Variants in CFAP299 observed in about 807,000 individuals in gnomAD.
The protein encoded by CFAP299 is cilia and flagella associated protein 299.
In CFAP299, 21 loss-of-function variants were observed where a neutral mutation model predicts 27.0. The ratio of observed to expected loss-of-function variants is 0.78; its 90% confidence interval spans 0.55 to 1.12. CFAP299 has a LOEUF of 1.12. Among genes scored for constraint, CFAP299 ranks in the 50% most tolerant of loss-of-function variants. The pLI is 0.00. For missense variants in CFAP299, 310 were observed against 276.6 expected, an observed-to-expected ratio of 1.12 and a Z score of -0.86; for synonymous variants, 104 against 98.1, an observed-to-expected ratio of 1.06 and a Z score of -0.36.
At chr4:80,729,825 G>A (rs937051576) in intron 3 of CFAP299, among the ~76,000 whole-genome samples, 2 of 151,800 alleles carry the variant, frequency 1.3e-5, no homozygotes, top group African/African-American at 2.4e-5. Flanking sequence ...GGATGGTTTC[G>A]ATCTCCTGAC....
intron 2 of CFAP299, among the ~76,000 whole-genome samples, chr4:80,519,443 G>C (rs999253676): frequency 2.0e-5 from 3 of 152,238 alleles, no homozygotes; most frequent in Admixed American, 6.5e-5. Flanking sequence ...CTGATCTCAA[G>C]TGATCCACCT....
At chr4:80,497,897 G>A (rs1026319151) in intron 2 of CFAP299, among the ~76,000 whole-genome samples, 1 of 152,124 alleles carries the variant, frequency 6.6e-6, no homozygotes, top group Non-Finnish European at 1.5e-5. Flanking sequence ...TATGGTACTG[G>A]TAGGAAAACA....
chr4:80,426,643 C>G (rs34609164), intron 2 of CFAP299, among the ~76,000 whole-genome samples: 2 of 152,144 alleles, frequency 1.3e-5, no homozygotes, highest in Non-Finnish European at 2.9e-5. Context: ...GCCTAGGACT[C>G]TATATGTTTA....
intron 3 of CFAP299, among the ~76,000 whole-genome samples, chr4:80,714,051 T>C (rs1428273687): frequency 6.6e-6 from 1 of 152,292 alleles, no homozygotes; most frequent in African/African-American, 2.4e-5. Context: ...CACTTCTTGC[T>C]TCTTCACCTT....
At chr4:80,886,883 A>G (rs1342588898) in intron 4 of CFAP299, among the ~76,000 whole-genome samples, 2 of 152,138 alleles carry the variant, frequency 1.3e-5, no homozygotes, top group African/African-American at 2.4e-5. Flanking sequence ...AGAGATTGAA[A>G]TAATTGCAAA....
intron 3 of CFAP299, among the ~76,000 whole-genome samples, chr4:80,587,107 T>C (rs960773205): frequency 1.3e-5 from 2 of 152,282 alleles, no homozygotes; most frequent in Non-Finnish European, 2.9e-5. Flanking sequence ...TCCTTCCTAT[T>C]TTCCAACTTT....
Position 80,358,602 on chromosome 4 carries a change from C to T in CFAP299, c.112-4152C>T, listed in dbSNP as rs561302513. Among the ~76,000 whole-genome samples the T allele has an allele frequency of 2.6e-5, 4 of 152,054 alleles. No individual in the cohort carries two copies. In the South Asian group the frequency reaches 8.3e-4, roughly 32 times the overall value. ...ATGCCCTTCTTTGTCTTTTTTTAAT[C>T]TTTGTTGGTTTAGAGTCTGTTTTGT... is the stretch of plus-strand genomic sequence containing the variant. On this transcript the variant is annotated intron_variant, in intron 1 of 5. Coordinates refer to ENST00000358105, the MANE Select transcript of CFAP299 (RefSeq NM_152770.3).
intron 5 of CFAP299, among the ~76,000 whole-genome samples, chr4:80,960,723 C>A (rs1302160979): frequency 6.6e-6 from 1 of 151,728 alleles, no homozygotes. Flanking sequence ...GGACTTTTAC[C>A]AAAGCAACTT....
intron 3 of CFAP299, among the ~76,000 whole-genome samples, chr4:80,700,669 G>A (rs1721417627): frequency 6.6e-6 from 1 of 152,056 alleles, no homozygotes; most frequent in Non-Finnish European, 1.5e-5. Context: ...AATACATGAA[G>A]TGAGACTATG....
intron 3 of CFAP299, among the ~76,000 whole-genome samples, chr4:80,843,221 C>T (rs1360170834): frequency 2.0e-5 from 3 of 151,940 alleles, no homozygotes; most frequent in Non-Finnish European, 4.4e-5. Flanking sequence ...CTAATGCTAT[C>T]CCTCCCCCAG....
chr4:80,785,254 T>C (rs1727176844), intron 3 of CFAP299, among the ~76,000 whole-genome samples: 1 of 152,096 alleles, frequency 6.6e-6, no homozygotes, highest in African/African-American at 2.4e-5. Flanking sequence ...ATTTTGCATG[T>C]GGAAATCCAG....
In CFAP299 at chr4:80,410,810, G is replaced by C. The variant is rs548167519; in HGVS notation, c.242+47926G>C. 2.0e-5 allele frequency among the ~76,000 whole-genome samples: 3 copies of C among 152,228 alleles called. No individual in the cohort carries two copies. The East Asian group carries it at 5.8e-4, about 29-fold the overall frequency. ...ATCATTAGCTTAAGGTCTTTCAACA[G>C]GTGAGTGCAGAATTCAAACCTTGGC... is the stretch of plus-strand genomic sequence containing the variant. On this transcript the variant is annotated intron_variant, in intron 2 of 5. Transcript: ENST00000358105.
At chr4:80,564,153 A>G (rs777931741) in intron 2 of CFAP299, among the ~76,000 whole-genome samples, 14 of 152,018 alleles carry the variant, frequency 9.2e-5, no homozygotes, top group Non-Finnish European at 2.1e-4. Context: ...AAAATAGGGG[A>G]GGAGGGAATA....
At chr4:80,373,533 C>A (rs1724257441) in intron 2 of CFAP299, among the ~76,000 whole-genome samples, 4 of 152,162 alleles carry the variant, frequency 2.6e-5, no homozygotes, top group Admixed American at 2.6e-4. Flanking sequence ...CCTTCAACCT[C>A]AAGTAACCAT....
At chr4:80,661,194 C>T (rs539352817) in intron 3 of CFAP299, among the ~76,000 whole-genome samples, 12 of 151,938 alleles carry the variant, frequency 7.9e-5, no homozygotes, top group East Asian at 1.9e-4. Flanking sequence ...GATGTGGTTG[C>T]GTGCTCCTGT....
chr4:80,801,971 C>T (rs774817192), intron 3 of CFAP299, among the ~76,000 whole-genome samples: 5 of 152,128 alleles, frequency 3.3e-5, no homozygotes, highest in African/African-American at 7.2e-5. Context: ...GTCAGAGAAA[C>T]ATGTTGTTTT....
chr4:80,765,270 A>G (rs374381443), intron 3 of CFAP299, among the ~76,000 whole-genome samples: 7 of 152,156 alleles, frequency 4.6e-5, no homozygotes, highest in African/African-American at 1.7e-4. Context: ...TATTGTACTC[A>G]TGTCTTCCAG....
At position 80,362,674 on chromosome 4, in the gene CFAP299, G is replaced by A. The variant is rs199964407; in HGVS notation, c.112-80G>A. 186 of 1,411,194 alleles carry A rather than the reference G, an allele frequency of 1.3e-4. 5 individuals carry two copies. The highest frequency in any genetic ancestry group is 5.7e-4 in the South Asian group (37 of 65,044). 87.4% of individuals were successfully genotyped at this position (1,411,194 alleles called of 1,614,324 possible). ...TTAAAGCAATTGCTTGGTATACATT[G>A]CAGATGTAAGATATAAGTAAGTAAG... On this transcript the variant is annotated intron_variant, in intron 1 of 5. Transcript: ENST00000358105.
At chr4:80,914,621 T>C (rs1366805630) in intron 4 of CFAP299, among the ~76,000 whole-genome samples, 1 of 152,186 alleles carries the variant, frequency 6.6e-6, no homozygotes, top group East Asian at 1.9e-4. Context: ...TTTACATTTC[T>C]CTAATGATGA....
Sources: allele counts gnomAD v4.1 joint callset (sites outside exome capture counted in the v4.1 genomes callset), GRCh38; gene constraint gnomAD v4.1.1; transcripts MANE v1.5; gene names NCBI Gene and HGNC (gene_info 2026-07-23, HGNC 2026-07-21).